RAB3GAP1: variants seen among roughly 807,000 people sequenced by gnomAD.
RAB3GAP1 encodes the protein RAB3 GTPase activating protein catalytic subunit 1.
In RAB3GAP1, 86 loss-of-function variants were observed where a neutral mutation model predicts 130.7. That is an observed-to-expected ratio of 0.66 (90% CI 0.55 to 0.79). The LOEUF (loss-of-function observed/expected upper bound fraction) is 0.79. RAB3GAP1 is among the 30% of genes least tolerant of loss of function. RAB3GAP1 has a pLI of 0.00. For synonymous variants in RAB3GAP1, 367 were observed against 401.7 expected, an observed-to-expected ratio of 0.91 and a Z score of 1.03; for missense variants, 1,029 against 1,169.4, an observed-to-expected ratio of 0.88 and a Z score of 1.75.
chr2:135,102,119 G>A lies in RAB3GAP1; in HGVS notation c.362+8426G>A, dbSNP rs1483692246. Among the ~76,000 whole-genome samples, 6 of 152,202 alleles carry A rather than the reference G, an allele frequency of 3.9e-5. No individual in the cohort carries two copies. In the East Asian group the frequency reaches 9.6e-4, roughly 24 times the overall value. ...TGCTTAGCAATAGACTTTAAGGTAG[G>A]GAGATTTATCCTGGATTATCTGGGT... On this transcript the variant is annotated intron_variant, in intron 5 of 23. Transcript: ENST00000264158.
intron 7 of RAB3GAP1, among the ~76,000 whole-genome samples, chr2:135,117,818 C>A (rs1288439437): frequency 1.8e-5 from 2 of 113,436 alleles, no homozygotes; most frequent in Non-Finnish European, 3.5e-5. Flanking sequence ...CTTTCTTCTT[C>A]TTTCTTCTTC....
intron 17 of RAB3GAP1, among the ~76,000 whole-genome samples, chr2:135,143,187 G>A (rs1197172595): frequency 6.6e-6 from 1 of 151,648 alleles, no homozygotes; most frequent in Non-Finnish European, 1.5e-5. Flanking sequence ...TGTTTTTCAA[G>A]TAATTTTTTA....
At chr2:135,117,690 T>TCTTCTGCTTCTTCTG (rs1691055535) in intron 7 of RAB3GAP1, among the ~76,000 whole-genome samples, 3 of 134,728 alleles carry the variant, frequency 2.2e-5, no homozygotes, top group Non-Finnish European at 3.2e-5. Flanking sequence ...TTCTGCTTCT[T>TCTTCTGCTTCTTCTG]CTTCTGCTTC....
intron 5 of RAB3GAP1, among the ~76,000 whole-genome samples, chr2:135,095,594 A>G (rs1422778252): frequency 3.3e-5 from 5 of 152,232 alleles, no homozygotes; most frequent in Admixed American, 6.5e-5. Context: ...ACATTAATGT[A>G]AGAGGTACAA....
chr2:135,150,433 C>T lies in RAB3GAP1; in HGVS notation c.1988C>T (p.Thr663Ile), dbSNP rs1298243774. 14 of 1,614,050 alleles carry T rather than the reference C, an allele frequency of 8.7e-6. No homozygotes were observed. Among genetic ancestry groups the T allele is most frequent in the Non-Finnish European group, 1.2e-5 (14 of 1,180,042 alleles). ...EQSEVLAKLG[T>I]SAEGAHLRAR... ...TCTGAAGTTTTAGCTAAATTAGGTACATCGGCAGAGGGGGCTCACCTTCGA... is the reference window on the plus strand; with the variant it reads ...TCTGAAGTTTTAGCTAAATTAGGTATATCGGCAGAGGGGGCTCACCTTCGA... The change falls in exon 18 of 24, where the codon ACA becomes ATA. Residue 663 changes from threonine (T) to isoleucine (I), a missense_variant. Physicochemically the swap from Thr to Ile is moderately conservative, Grantham distance 89. This residue lies in a region of RAB3GAP1 where 373 missense variants were observed against 493.6 expected (regional missense o/e 0.76). Transcript: ENST00000264158.
intron 3 of RAB3GAP1, among the ~76,000 whole-genome samples, chr2:135,064,826 C>T (rs560912642): frequency 5.6e-5 from 8 of 143,534 alleles, no homozygotes; most frequent in South Asian, 2.3e-4. Context: ...AATGTAGAGA[C>T]GAAATGTAGT....
intron 17 of RAB3GAP1, among the ~76,000 whole-genome samples, chr2:135,139,440 C>T (rs1691774790): frequency 6.6e-6 from 1 of 151,734 alleles, no homozygotes; most frequent in Admixed American, 6.6e-5. Flanking sequence ...ACTTGGGAGG[C>T]TCAGGTGGGA....
intron 5 of RAB3GAP1, among the ~76,000 whole-genome samples, chr2:135,106,903 G>A (rs1690644518): frequency 6.6e-6 from 1 of 151,578 alleles, no homozygotes; most frequent in South Asian, 2.1e-4. Context: ...ATCTTAAGTA[G>A]GATAAACACA....
intron 17 of RAB3GAP1, among the ~76,000 whole-genome samples, chr2:135,139,425 C>T (rs935312689): frequency 3.3e-5 from 5 of 151,878 alleles, no homozygotes; most frequent in African/African-American, 1.2e-4. Context: ...GCTGTAGACC[C>T]AGCTACTTGG....
At chr2:135,054,875 C>T (rs1688968356) in intron 2 of RAB3GAP1, among the ~76,000 whole-genome samples, 1 of 152,146 alleles carries the variant, frequency 6.6e-6, no homozygotes, top group African/African-American at 2.4e-5. Flanking sequence ...AATGTTAAGA[C>T]TTTGAAGTCT....
intron 3 of RAB3GAP1, among the ~76,000 whole-genome samples, chr2:135,076,257 A>T (rs189737711): frequency 6.6e-6 from 1 of 152,302 alleles, no homozygotes; most frequent in East Asian, 1.9e-4. Context: ...AGAGGACATG[A>T]TTCTTATTTT....
chr2:135,054,364 G>C (rs1455879425), intron 2 of RAB3GAP1, among the ~76,000 whole-genome samples: 1 of 152,144 alleles, frequency 6.6e-6, no homozygotes, highest in Non-Finnish European at 1.5e-5. Context: ...TGATGAAAGT[G>C]GTTTTAGGAC....
In RAB3GAP1 at chr2:135,164,771, A is replaced by G. The variant is rs978064951; in HGVS notation, c.2709+75A>G. The G allele has an allele frequency of 5.0e-6, 6 of 1,197,926 alleles. No homozygotes were observed. In the African/African-American group the frequency reaches 7.6e-5, roughly 15 times the overall value. The allele number at this position is 1,197,926 out of a possible 1,614,324, so 74.2% of individuals were successfully genotyped here. On this transcript the variant is annotated intron_variant, in intron 23 of 23. Coordinates refer to ENST00000264158, the MANE Select transcript of RAB3GAP1 (RefSeq NM_012233.3). Reference sequence around the variant, plus strand: ...TTGGGAAGAGGCTGTTTTAGTTCCCACACGTGGCTGATCACACTCATGTCA... The same window carrying G: ...TTGGGAAGAGGCTGTTTTAGTTCCCGCACGTGGCTGATCACACTCATGTCA...
intron 3 of RAB3GAP1, among the ~76,000 whole-genome samples, chr2:135,067,223 C>A (rs1307840724): frequency 6.6e-6 from 1 of 152,002 alleles, no homozygotes; most frequent in Admixed American, 6.5e-5. Context: ...TATGTTTTAT[C>A]AAAGCTGAAG....
intron 19 of RAB3GAP1, among the ~76,000 whole-genome samples, chr2:135,154,571 A>T (rs1173139816): frequency 2.0e-5 from 3 of 152,186 alleles, no homozygotes; most frequent in Non-Finnish European, 4.4e-5. Context: ...GTCTTTGCAG[A>T]TATATTGAGT....
At chr2:135,165,510 G>A (rs1378348132) in intron 23 of RAB3GAP1, among the ~76,000 whole-genome samples, 2 of 152,094 alleles carry the variant, frequency 1.3e-5, no homozygotes, top group African/African-American at 2.4e-5. Context: ...ATAACAACTG[G>A]ATAATCCCTG....
intron 3 of RAB3GAP1, among the ~76,000 whole-genome samples, chr2:135,082,240 G>A (rs1320113222): frequency 6.6e-6 from 1 of 151,868 alleles, no homozygotes; most frequent in Non-Finnish European, 1.5e-5. Context: ...TAATTCAGTG[G>A]TCTTTAGTAT....
chr2:135,158,647 T>C (rs1692381879), intron 19 of RAB3GAP1, among the ~76,000 whole-genome samples: 1 of 152,152 alleles, frequency 6.6e-6, no homozygotes, highest in Non-Finnish European at 1.5e-5. Context: ...ATAGTAAGGA[T>C]TGGTTCACCA....
At chr2:135,153,598 G>A in intron 18 of RAB3GAP1, 51 bp from the exon 19 acceptor site, 1 of 1,547,446 alleles carries the variant, frequency 6.5e-7, no homozygotes, top group Non-Finnish European at 8.9e-7. Flanking sequence ...AGGCTTATCA[G>A]TAACTGTTGA....
Sources: gnomAD v4.1 joint callset for allele counts (sites outside exome capture counted in the v4.1 genomes callset) on GRCh38, gnomAD v4.1.1 for gene constraint, gnomAD v4.1.1 regional missense constraint, MANE v1.5 for transcripts, NCBI Gene and HGNC (gene_info 2026-07-23, HGNC 2026-07-21) for gene names.